The following PPP1R14C variants were observed in gnomAD, a reference collection of about 807,000 sequenced individuals.
PPP1R14C encodes the protein protein phosphatase 1 regulatory inhibitor subunit 14C, also known as protein phosphatase 1 regulatory subunit 14C.
In PPP1R14C, 16 loss-of-function variants were observed where a neutral mutation model predicts 20.4. The observed-to-expected ratio is 0.78, with a 90% CI of 0.53 to 1.19. The LOEUF is 1.19. PPP1R14C is among the 50% of genes most tolerant of loss of function. The pLI, the probability that PPP1R14C is intolerant of heterozygous loss-of-function variation, is 0.00. For missense variants in PPP1R14C, 211 were observed against 220.1 expected, an observed-to-expected ratio of 0.96 and a Z score of 0.26; for synonymous variants, 91 against 91.0, an observed-to-expected ratio of 1.00 and a Z score of 0.00.
chr6:150,199,254 C>G (rs2114895569), intron 1 of PPP1R14C, among the ~76,000 whole-genome samples: 1 of 152,288 alleles, frequency 6.6e-6, no homozygotes, highest in East Asian at 1.9e-4. Flanking sequence ...AAAGAACAGG[C>G]TTTCAGCTGA....
chr6:150,193,744 C>T (rs1360872820), intron 1 of PPP1R14C, among the ~76,000 whole-genome samples: 1 of 152,142 alleles, frequency 6.6e-6, no homozygotes, highest in African/African-American at 2.4e-5. Flanking sequence ...TGAACAGCTG[C>T]TCTTGATAAA....
At chr6:150,194,391 C>G in intron 1 of PPP1R14C, 1 of 936,356 alleles carries the variant, frequency 1.1e-6, no homozygotes, top group Non-Finnish European at 1.3e-6. Context: ...TCTTTGGCAA[C>G]CCCTGTTTGT....
intron 1 of PPP1R14C, among the ~76,000 whole-genome samples, chr6:150,208,445 G>A (rs1007987134): frequency 6.6e-6 from 1 of 151,914 alleles, no homozygotes; most frequent in African/African-American, 2.4e-5. Context: ...TTGTTAAGTG[G>A]GAACATTTTT....
rs1256962538 is a variant in PPP1R14C, at chr6:150,174,503, A to G, written c.306+31005A>G. On this transcript the variant is annotated intron_variant, in intron 1 of 3. Coordinates refer to ENST00000361131, the MANE Select transcript of PPP1R14C (RefSeq NM_030949.3). ...AGTGCTGGGATTACAGGCGTGAGCCACCACGCCTGGCCGTGTGTGCATTTT... is the reference window on the plus strand; with the variant it reads ...AGTGCTGGGATTACAGGCGTGAGCCGCCACGCCTGGCCGTGTGTGCATTTT... 2.6e-5 allele frequency among the ~76,000 whole-genome samples: 4 copies of G among 151,570 alleles called. No homozygotes were observed. In the East Asian group the frequency reaches 5.9e-4, roughly 22 times the overall value.
intron 1 of PPP1R14C, among the ~76,000 whole-genome samples, chr6:150,150,968 C>T (rs1387483211): frequency 6.6e-6 from 1 of 152,094 alleles, no homozygotes; most frequent in Non-Finnish European, 1.5e-5. Context: ...GGTTTTTCCT[C>T]TTTTGCCTGC....
chr6:150,222,333 G>T (rs990098516), intron 3 of PPP1R14C, among the ~76,000 whole-genome samples: 31 of 152,188 alleles, frequency 2.0e-4, no homozygotes, highest in Admixed American at 7.9e-4. Flanking sequence ...TGACTAGAAG[G>T]TACAGATTTC....
At chr6:150,151,007 G>A (rs1352144884) in intron 1 of PPP1R14C, among the ~76,000 whole-genome samples, 2 of 151,544 alleles carry the variant, frequency 1.3e-5, no homozygotes, top group Admixed American at 6.6e-5. Context: ...CTCTGTCTTC[G>A]GGCCCTGGCT....
intron 3 of PPP1R14C, among the ~76,000 whole-genome samples, chr6:150,236,269 C>G (rs755469658): frequency 6.0e-5 from 9 of 151,172 alleles, no homozygotes; most frequent in Admixed American, 1.3e-4. Flanking sequence ...ATGAAAGGTG[C>G]CCAGTAAGTA....
intron 3 of PPP1R14C, among the ~76,000 whole-genome samples, chr6:150,217,288 T>A (rs1582923475): frequency 6.7e-6 from 1 of 149,312 alleles, no homozygotes; most frequent in East Asian, 2.0e-4. Flanking sequence ...CTCCGCCTCC[T>A]GAGTTCAACC....
intron 1 of PPP1R14C, among the ~76,000 whole-genome samples, chr6:150,189,444 C>T (rs985918185): frequency 3.3e-5 from 5 of 152,142 alleles, no homozygotes; most frequent in African/African-American, 1.2e-4. Flanking sequence ...ACATTCTAGT[C>T]CCATTTCTCA....
rs577538649 is a variant in PPP1R14C, at chr6:150,169,382, G to GA, written c.306+25892dup. 5.6e-3 allele frequency among the ~76,000 whole-genome samples: 854 copies of GA among 151,728 alleles called. 7 individuals carry two copies. Among genetic ancestry groups the GA allele is most frequent in the African/African-American group, 0.018 (749 of 41,406 alleles). ...ACTTCCTGAAATGTAAGTAGAAGAG[G>GA]AAAAAAAATTAAAAATAGAAACAAT... On this transcript the variant is annotated intron_variant, in intron 1 of 3. Coordinates refer to ENST00000361131, the MANE Select transcript of PPP1R14C (RefSeq NM_030949.3).
At chr6:150,154,941 T>C (rs1220700590) in intron 1 of PPP1R14C, among the ~76,000 whole-genome samples, 1 of 152,196 alleles carries the variant, frequency 6.6e-6, no homozygotes, top group Non-Finnish European at 1.5e-5. Context: ...AAATGGCATG[T>C]TTGACTTAAG....
chr6:150,235,909 G>A (rs765183830), intron 3 of PPP1R14C, among the ~76,000 whole-genome samples: 19 of 152,068 alleles, frequency 1.2e-4, no homozygotes, highest in South Asian at 4.2e-4. Flanking sequence ...CATGTCTTTC[G>A]TCCCTCCTCC....
At chr6:150,221,284 A>G (rs1289191032) in intron 3 of PPP1R14C, among the ~76,000 whole-genome samples, 3 of 152,252 alleles carry the variant, frequency 2.0e-5, no homozygotes, top group East Asian at 3.8e-4. Context: ...GCTTGCCCGT[A>G]ATGTCAGAGC....
At chr6:150,223,610 CT>C (rs1778195152) in intron 3 of PPP1R14C, among the ~76,000 whole-genome samples, 1 of 152,172 alleles carries the variant, frequency 6.6e-6, no homozygotes, top group East Asian at 1.9e-4. Flanking sequence ...TTTGGAGAAA[CT>C]TTTCATATGC....
chr6:150,174,156 C>A (rs1413511558), intron 1 of PPP1R14C, among the ~76,000 whole-genome samples: 1 of 145,286 alleles, frequency 6.9e-6, no homozygotes, highest in Non-Finnish European at 1.5e-5. Context: ...CATCACCTCA[C>A]ATACTTACCA....
intron 2 of PPP1R14C, 58 bp downstream of exon 2, chr6:150,214,885 G>T: frequency 8.1e-7 from 1 of 1,237,912 alleles, no homozygotes; most frequent in East Asian, 2.4e-5. Flanking sequence ...AGTCTACTTG[G>T]GTCTTCAGTG....
At chr6:150,238,594 G>A (rs1778393937) in intron 3 of PPP1R14C, among the ~76,000 whole-genome samples, 1 of 152,278 alleles carries the variant, frequency 6.6e-6, no homozygotes, top group South Asian at 2.1e-4. Flanking sequence ...TTCACCCCCA[G>A]CTGCAGCTCA....
rs377053248 is a variant in PPP1R14C at position 150,170,692 on chromosome 6, G to A, written c.306+27194G>A. Among the ~76,000 whole-genome samples, 13 of 151,916 alleles carry A rather than the reference G, an allele frequency of 8.6e-5. No individual in the cohort carries two copies. The East Asian group carries it at 2.5e-3, about 29-fold the overall frequency. On this transcript the variant is annotated intron_variant, in intron 1 of 3. Coordinates refer to ENST00000361131, the MANE Select transcript of PPP1R14C (RefSeq NM_030949.3). The stretch of plus-strand genomic sequence containing the variant: ...GACAAAAATCACTTCCCTTCCTTGT[G>A]GGTTTTACATTCTAGGGAAATGAGA...
Sources: gnomAD v4.1 joint callset for allele counts (sites outside exome capture counted in the v4.1 genomes callset) on GRCh38, gnomAD v4.1.1 for gene constraint, MANE v1.5 for transcripts, NCBI Gene and HGNC (gene_info 2026-07-23, HGNC 2026-07-21) for gene names.